Variants in TUSC3 observed in about 807,000 individuals in gnomAD.
TUSC3 encodes the protein tumor suppressor candidate 3.
In TUSC3, 45 loss-of-function variants were observed where a neutral mutation model predicts 44.8. That is an observed-to-expected ratio of 1.00 (90% CI 0.79 to 1.29). The LOEUF (loss-of-function observed/expected upper bound fraction) is 1.29, where lower values mean the gene tolerates loss of function less well. Ranked by LOEUF, TUSC3 falls within the 50% of genes most tolerant of loss-of-function variation. The probability of loss-of-function intolerance (pLI) is 0.00; values close to 1 mark genes in which losing one functional copy is unlikely to be tolerated. For synonymous variants in TUSC3, 212 were observed against 152.9 expected, an observed-to-expected ratio of 1.39 and a Z score of -2.85; for missense variants, 519 against 437.9, an observed-to-expected ratio of 1.19 and a Z score of -1.65.
intron 2 of TUSC3, among the ~76,000 whole-genome samples, chr8:15,626,378 C>T (rs558898969): frequency 5.3e-5 from 8 of 152,278 alleles, no homozygotes; most frequent in African/African-American, 1.2e-4. Flanking sequence ...GACCCCAAGG[C>T]GGAACTGGGT....
At chr8:15,519,151 T>A (rs1469744662) in intron 2 of TUSC3, among the ~76,000 whole-genome samples, 1 of 152,194 alleles carries the variant, frequency 6.6e-6, no homozygotes, top group Admixed American at 6.5e-5. Context: ...AATTAAATTG[T>A]TGAAGGATGA....
chr8:15,669,792 G>C (rs1807860053), intron 5 of TUSC3, among the ~76,000 whole-genome samples: 1 of 151,670 alleles, frequency 6.6e-6, no homozygotes, highest in African/African-American at 2.4e-5. Flanking sequence ...CAAGATGCCT[G>C]CTCTTGAGTA....
At chr8:15,722,805 A>C (rs1810350947) in intron 6 of TUSC3, among the ~76,000 whole-genome samples, 1 of 147,534 alleles carries the variant, frequency 6.8e-6, no homozygotes, top group Non-Finnish European at 1.5e-5. Context: ...GTAGCAGTTC[A>C]TTTGTTATTA....
At chr8:15,638,726 A>G (rs779668367) in intron 2 of TUSC3, among the ~76,000 whole-genome samples, 1 of 151,998 alleles carries the variant, frequency 6.6e-6, no homozygotes, top group Non-Finnish European at 1.5e-5. Flanking sequence ...GGGTTTCACC[A>G]TGTTGGCCAG....
chr8:15,706,191 CTAT>C (rs1260724269), intron 6 of TUSC3, among the ~76,000 whole-genome samples: 3 of 151,796 alleles, frequency 2.0e-5, no homozygotes, highest in Non-Finnish European at 2.9e-5. Flanking sequence ...TAATAAATTA[CTAT>C]TATTGCATAT....
chr8:15,424,139 C>T (rs573494679), intron 1 of TUSC3, among the ~76,000 whole-genome samples: 29 of 151,636 alleles, frequency 1.9e-4, no homozygotes, highest in Admixed American at 9.9e-4. Flanking sequence ...TACAGGCACA[C>T]GCCACCACTC....
At chr8:15,655,155 A>G (rs1056624922) in intron 3 of TUSC3, among the ~76,000 whole-genome samples, 1 of 152,130 alleles carries the variant, frequency 6.6e-6, no homozygotes, top group Non-Finnish European at 1.5e-5. Flanking sequence ...CTGTCTTGCT[A>G]AAATAATAAT....
At chr8:15,515,213 T>G (rs1392111940) in intron 2 of TUSC3, among the ~76,000 whole-genome samples, 1 of 152,164 alleles carries the variant, frequency 6.6e-6, no homozygotes, top group Non-Finnish European at 1.5e-5. Flanking sequence ...AGGATGAGCT[T>G]GTCGCTTTCT....
intron 1 of TUSC3, among the ~76,000 whole-genome samples, chr8:15,435,007 T>C (rs1171412461): frequency 6.7e-6 from 1 of 148,614 alleles, no homozygotes; most frequent in Non-Finnish European, 1.5e-5. Flanking sequence ...CGTGTGCATG[T>C]GTCTTTATAG....
At chr8:15,611,614 G>A (rs1023990648) in intron 1 of TUSC3, among the ~76,000 whole-genome samples, 3 of 152,044 alleles carry the variant, frequency 2.0e-5, no homozygotes, top group Non-Finnish European at 4.4e-5. Flanking sequence ...TTTCTTTATG[G>A]CGTGTGTGCT....
At position 15,431,962 on chromosome 8, in the gene TUSC3, C is replaced by T. The variant is rs1179588940; in HGVS notation, n.91+14657C>T. ...TGTTGCACTATCTTTGCATTCCAGG[C>T]ATGAATCTCACTTAATTGTGGCGTG... is the stretch of plus-strand genomic sequence containing the variant. On this transcript the variant is annotated intron_variant and non_coding_transcript_variant, in intron 1 of 5. Transcript: ENST00000503191. Among the ~76,000 whole-genome samples, 13 of 142,416 alleles carry T rather than the reference C, an allele frequency of 9.1e-5. No homozygotes were observed. In the Admixed American group the frequency reaches 1.1e-3, roughly 12 times the overall value. 93.4% of individuals were successfully genotyped at this position (142,416 alleles called of 152,430 possible).
chr8:15,714,539 C>T (rs1172091015), intron 6 of TUSC3, among the ~76,000 whole-genome samples: 2 of 152,144 alleles, frequency 1.3e-5, no homozygotes, highest in Non-Finnish European at 2.9e-5. Flanking sequence ...GTGATACCAA[C>T]ATGGTTCTGA....
chr8:15,720,195 T>TAC (rs1466395656), intron 6 of TUSC3, among the ~76,000 whole-genome samples: 34 of 101,470 alleles, frequency 3.4e-4, no homozygotes, highest in African/African-American at 1.5e-3. Context: ...ATAGTGTATA[T>TAC]ATATATACAC....
chr8:15,590,907 C>G (rs965845339), intron 1 of TUSC3, among the ~76,000 whole-genome samples: 3 of 152,122 alleles, frequency 2.0e-5, no homozygotes, highest in Non-Finnish European at 4.4e-5. Flanking sequence ...CTCCTGGACT[C>G]AAGCAGTCTG....
At chr8:15,680,861 T>C (rs1213895448) in intron 6 of TUSC3, among the ~76,000 whole-genome samples, 1 of 152,170 alleles carries the variant, frequency 6.6e-6, no homozygotes, top group Non-Finnish European at 1.5e-5. Context: ...TTTTTAATTA[T>C]GTTTATGTGG....
chr8:15,764,168 A>C (rs758037861), intron 10 of TUSC3, 35 bp from the exon 11 acceptor site: 2 of 1,564,978 alleles, frequency 1.3e-6, no homozygotes, highest in Admixed American at 1.7e-5. Flanking sequence ...CTTATGTTCT[A>C]TGTTCAGCAC....
chr8:15,488,629 T>A (rs1307130467), intron 2 of TUSC3, among the ~76,000 whole-genome samples: 1 of 152,204 alleles, frequency 6.6e-6, no homozygotes, highest in Non-Finnish European at 1.5e-5. Flanking sequence ...CTCATTAGTT[T>A]TAGATGACGT....
intron 1 of TUSC3, among the ~76,000 whole-genome samples, chr8:15,444,946 A>G (rs1313041342): frequency 6.6e-6 from 1 of 152,166 alleles, no homozygotes; most frequent in Non-Finnish European, 1.5e-5. Context: ...TGTGCACTCT[A>G]CGAACTTCAG....
chr8:15,819,692 T>A, the TUSC3 span, among the ~76,000 whole-genome samples: 1 of 152,218 alleles, frequency 6.6e-6, no homozygotes, highest in African/African-American at 2.4e-5. Context: ...TTTCATTCAC[T>A]GAGTGCGACT....
Sources: allele counts gnomAD v4.1 joint callset (sites outside exome capture counted in the v4.1 genomes callset), GRCh38; gene constraint gnomAD v4.1.1; transcripts MANE v1.5; gene names NCBI Gene and HGNC (gene_info 2026-07-23, HGNC 2026-07-21).